Variants in NHSL2 observed in about 807,000 individuals in gnomAD.
NHSL2 encodes the protein NHS-like protein 2.
A neutral mutation model predicts 53.4 loss-of-function variants in NHSL2; 27 were observed. That is an observed-to-expected ratio of 0.51 (90% confidence interval 0.37 to 0.70). NHSL2 has a LOEUF of 0.70. Ranked by LOEUF, NHSL2 falls within the 30% of genes least tolerant of loss-of-function variation. The pLI is 0.00. For synonymous variants in NHSL2, 408 were observed against 404.1 expected (o/e 1.01, Z -0.12); for missense variants, 892 against 980.1 (o/e 0.91, Z 1.20).
rs1456441691 is a variant in NHSL2 at position 71,959,709 on chromosome X, A to G, written c.280+48342A>G. ...GATTTACCTACTCTGGACATTTCAT[A>G]TAAACGATATTATATGTCTTCTTTT... On this transcript the variant is annotated intron_variant, in intron 1 of 7. Transcript: ENST00000633930. Among the ~76,000 whole-genome samples, 7 of 112,034 alleles carry G rather than the reference A, an allele frequency of 6.2e-5. 1 individual carries two copies. The highest frequency in any genetic ancestry group is 1.3e-4 in the Non-Finnish European group (7 of 53,181).
At chrX:72,110,809 A>G (rs1043774764) in intron 1 of NHSL2, among the ~76,000 whole-genome samples, 20 of 105,676 alleles carry the variant, frequency 1.9e-4, no homozygotes, top group African/African-American at 5.6e-4. Flanking sequence ...TACTGAGGCC[A>G]TGGCCTCCTC....
chrX:72,139,623 T>C lies in NHSL2; in HGVS notation c.2075T>C (p.Ile692Thr), dbSNP rs971429016. 5.8e-6 allele frequency: 7 copies of C among 1,207,968 alleles called. No individual in the cohort carries two copies. Among genetic ancestry groups the C allele is most frequent in the Middle Eastern group, 2.3e-4 (1 of 4,370 alleles). ...GCCACTACACCTTCCCAACTCTCCATTGAAGTGGAGGCCAGGGAGATATCA... is the reference window on the plus strand; with the variant it reads ...GCCACTACACCTTCCCAACTCTCCACTGAAGTGGAGGCCAGGGAGATATCA... ...SRATTPSQLSIEVEAREISSP... is the reference protein window; with the variant it reads ...SRATTPSQLSTEVEAREISSP... Residue 692 changes from isoleucine (I) to threonine (T), a missense_variant, in exon 6 of 8, where the codon ATT (isoleucine) becomes ACT (threonine). Physicochemically the swap from Ile to Thr is moderately conservative, Grantham distance 89. Transcript: ENST00000633930.
At chrX:71,958,171 C>G (rs6624586) in intron 1 of NHSL2, among the ~76,000 whole-genome samples, 23,424 of 110,068 alleles carry the variant, frequency 0.21, 2,794 homozygotes, top group African/African-American at 0.44. Flanking sequence ...AGTATATCCT[C>G]AGAGAGCACA....
intron 1 of NHSL2, chrX:72,044,669 G>A (rs1461789108): frequency 6.0e-6 from 7 of 1,161,450 alleles, no homozygotes; most frequent in African/African-American, 3.5e-5. Flanking sequence ...TTCGTCATTC[G>A]AAACATAGTG....
At position 71,985,748 on chromosome X, in the gene NHSL2, C is replaced by G. The variant is rs190842224; in HGVS notation, c.280+74381C>G. Among the ~76,000 whole-genome samples the G allele has an allele frequency of 3.4e-3, 385 of 112,592 alleles. 1 individual carries two copies. Among genetic ancestry groups the G allele is most frequent in the Non-Finnish European group, 5.6e-3 (296 of 53,272 alleles). On this transcript the variant is annotated intron_variant, in intron 1 of 7. Coordinates refer to ENST00000633930, the MANE Select transcript of NHSL2 (RefSeq NM_001013627.3). ...TCAGTCCATTCAGTCAACTCCTGTT[C>G]TGCTTTATATTCATGAACATTTCAG... is the stretch of plus-strand genomic sequence containing the variant.
chrX:72,081,736 T>C (rs2041794500), intron 1 of NHSL2, among the ~76,000 whole-genome samples: 1 of 112,703 alleles, frequency 8.9e-6, no homozygotes. Flanking sequence ...GCCTCCTTTC[T>C]ACTCTCTAAA....
chrX:72,020,101 T>C (rs1361372373), intron 1 of NHSL2, among the ~76,000 whole-genome samples: 2 of 112,805 alleles, frequency 1.8e-5, no homozygotes, highest in Non-Finnish European at 3.7e-5. Context: ...TTTTTTGAAA[T>C]AGTCTTTATT....
chrX:72,131,011 T>C (rs2042289258), intron 1 of NHSL2: 1 of 1,210,722 alleles, frequency 8.3e-7, no homozygotes, highest in African/African-American at 1.7e-5. Flanking sequence ...ATGAACCTCA[T>C]GGTCGGCTAT....
At chrX:72,046,781 T>G (rs761554281) in intron 1 of NHSL2, among the ~76,000 whole-genome samples, 5 of 110,619 alleles carry the variant, frequency 4.5e-5, no homozygotes, top group Non-Finnish European at 5.7e-5. Flanking sequence ...GCAAAGCACC[T>G]TTTGCTGGCC....
chrX:72,131,878 G>A, intron 1 of NHSL2: 2 of 342,066 alleles, frequency 5.8e-6, no homozygotes, highest in Non-Finnish European at 9.8e-6. Context: ...AGGGGCGAGC[G>A]GAGCGGGAGG....
intron 1 of NHSL2, among the ~76,000 whole-genome samples, chrX:72,091,687 G>A (rs1268660820): frequency 9.0e-6 from 1 of 111,236 alleles, no homozygotes; most frequent in Non-Finnish European, 1.9e-5. Flanking sequence ...TTCCCCATGA[G>A]TATGGTTGAG....
At chrX:71,937,946 G>T (rs1419535704) in intron 1 of NHSL2, among the ~76,000 whole-genome samples, 1 of 112,067 alleles carries the variant, frequency 8.9e-6, no homozygotes, top group Non-Finnish European at 1.9e-5. Context: ...AGAGAGCCCT[G>T]TCAGGCAGCA....
At chrX:71,971,427 G>A (rs1386567502) in intron 1 of NHSL2, among the ~76,000 whole-genome samples, 4 of 111,658 alleles carry the variant, frequency 3.6e-5, no homozygotes, top group Non-Finnish European at 5.6e-5. Flanking sequence ...TAGAAGAAAA[G>A]AGAGCATGGA....
intron 1 of NHSL2, among the ~76,000 whole-genome samples, chrX:72,009,009 G>T (rs1372311666): frequency 8.9e-6 from 1 of 112,221 alleles, no homozygotes; most frequent in Non-Finnish European, 1.9e-5. Flanking sequence ...TGCATAATCT[G>T]GTCCCCCTTA....
At position 72,090,303 on chromosome X, in the gene NHSL2, G is replaced by A. The variant is rs184811002; in HGVS notation, c.281-41776G>A. 2.1e-3 allele frequency among the ~76,000 whole-genome samples: 231 copies of A among 111,309 alleles called. 1 individual carries two copies. Among genetic ancestry groups the A allele is most frequent in the African/African-American group, 7.1e-3 (216 of 30,577 alleles). On this transcript the variant is annotated intron_variant, in intron 1 of 7. Coordinates refer to ENST00000633930, the MANE Select transcript of NHSL2 (RefSeq NM_001013627.3). ...TGGTGTCAAACTCCTGAGCTCAAGC[G>A]ATCCTCCTGCCTCAGCCTCCCAAAG...
At position 72,134,631 on chromosome X, in the gene NHSL2, G is replaced by A; in HGVS notation, c.687G>A (p.Leu229=). The change falls in exon 4 of 8, where the codon CTG becomes CTA. Residue 229 remains leucine (L), a synonymous_variant. Transcript: ENST00000633930. ...CTGCCTGGAATAGCCTTTTCCCTCTGCCCATCCTAGAGGAGAAGCGGTGGC... is the reference window on the plus strand; with the variant it reads ...CTGCCTGGAATAGCCTTTTCCCTCTACCCATCCTAGAGGAGAAGCGGTGGC... ...KQTAWNSLFP[L]PILEEKRWPQ... is the part of the protein sequence containing the mutation. 8.6e-7 allele frequency: 1 copy of A among 1,166,874 alleles called. No homozygotes were observed. The highest frequency in any genetic ancestry group is 2.6e-5 in the Admixed American group (1 of 38,856).
At chrX:72,044,674 A>G in intron 1 of NHSL2, 6 of 1,160,888 alleles carry the variant, frequency 5.2e-6, no homozygotes, top group Non-Finnish European at 7.0e-6. Context: ...CATTCGAAAC[A>G]TAGTGGAGGC....
intron 1 of NHSL2, among the ~76,000 whole-genome samples, chrX:72,079,456 C>T (rs1233547549): frequency 8.9e-6 from 1 of 112,187 alleles, no homozygotes; most frequent in Non-Finnish European, 1.9e-5. Context: ...GGGAAAGCCC[C>T]TTTCCCTTTC....
At chrX:72,085,770 T>A (rs1222166156) in intron 1 of NHSL2, among the ~76,000 whole-genome samples, 1 of 104,852 alleles carries the variant, frequency 9.5e-6, no homozygotes, top group Non-Finnish European at 2.0e-5. Flanking sequence ...TAGAGGCAAC[T>A]AAAAATCCTC....
Sources: gnomAD v4.1 joint callset for allele counts (sites outside exome capture counted in the v4.1 genomes callset) on GRCh38, gnomAD v4.1.1 for gene constraint, MANE v1.5 for transcripts, NCBI Gene and HGNC (gene_info 2026-07-23, HGNC 2026-07-21) for gene names.